The following TNS1 variants were observed in gnomAD, a reference collection of about 807,000 sequenced individuals.
The protein encoded by TNS1 is tensin-1.
TNS1 carries 62 observed loss-of-function variants against 168.6 expected under a neutral mutation model. The observed-to-expected ratio is 0.37, with a 90% confidence interval of 0.30 to 0.45. TNS1 has a LOEUF of 0.45. TNS1 is among the 20% of genes least tolerant of loss of function. The probability of loss-of-function intolerance (pLI) is 1.00; values close to 1 mark genes in which losing one functional copy is unlikely to be tolerated. For missense variants in TNS1, 2,240 were observed against 2,339.4 expected, an observed-to-expected ratio of 0.96 and a Z score of 0.88; for synonymous variants, 934 against 933.2, an observed-to-expected ratio of 1.00 and a Z score of -0.02.
At chr2:217,817,655 C>G in intron 24 of TNS1, 35 bp downstream of exon 24, 1 of 1,503,404 alleles carries the variant, frequency 6.7e-7, no homozygotes, top group Non-Finnish European at 9.1e-7. Flanking sequence ...ACTTCATCAG[C>G]AGGAGAGGTG....
upstream of TNS1, among the ~76,000 whole-genome samples, chr2:218,012,549 G>C (rs1353861003): frequency 6.6e-6 from 1 of 152,194 alleles, no homozygotes; most frequent in Non-Finnish European, 1.5e-5. Flanking sequence ...TCCAAAGAGA[G>C]AGGAGAGAGT....
At chr2:217,835,618 T>C (rs1945058526) in intron 20 of TNS1, among the ~76,000 whole-genome samples, 1 of 152,148 alleles carries the variant, frequency 6.6e-6, no homozygotes, top group Admixed American at 6.5e-5. Context: ...GTCTTAGAAA[T>C]GCAAATCTTT....
At chr2:217,894,617 A>C (rs1195119375) in intron 9 of TNS1, among the ~76,000 whole-genome samples, 1 of 152,210 alleles carries the variant, frequency 6.6e-6, no homozygotes, top group Non-Finnish European at 1.5e-5. Context: ...AGATCACGCC[A>C]CTGCACTCCA....
intron 3 of TNS1, among the ~76,000 whole-genome samples, chr2:217,967,326 TA>T (rs576613894): frequency 1.3e-5 from 2 of 151,320 alleles, no homozygotes; most frequent in South Asian, 4.2e-4. Flanking sequence ...GTCTCAAAAA[TA>T]AATAAATAAA....
chr2:217,869,608 G>T (rs1949593560), intron 18 of TNS1, among the ~76,000 whole-genome samples: 1 of 152,202 alleles, frequency 6.6e-6, no homozygotes. Flanking sequence ...ATGGGGAGGA[G>T]GTGAGGAAAG....
At chr2:217,896,386 T>C (rs545465999) in intron 8 of TNS1, among the ~76,000 whole-genome samples, 3 of 152,368 alleles carry the variant, frequency 2.0e-5, no homozygotes, top group Admixed American at 2.0e-4. Context: ...GACATCAACC[T>C]GGATCTAGGG....
chr2:217,963,281 G>A (rs1006165591), intron 3 of TNS1, among the ~76,000 whole-genome samples: 1 of 152,208 alleles, frequency 6.6e-6, no homozygotes. Flanking sequence ...AACTGGCCCA[G>A]GGATAATTGG....
At chr2:217,805,546 C>CCACCACACA (rs1938617099) in intron 32 of TNS1, among the ~76,000 whole-genome samples, 3 of 1,808 alleles carry the variant, frequency 1.7e-3, no homozygotes, top group African/African-American at 2.9e-3. Flanking sequence ...ACACACACCA[C>CCACCACACA]CACACACCAC....
At chr2:217,828,867 C>G (rs191858728) in intron 22 of TNS1, among the ~76,000 whole-genome samples, 6 of 152,330 alleles carry the variant, frequency 3.9e-5, no homozygotes, top group African/African-American at 1.4e-4. Context: ...TTAGTACTTT[C>G]TGTGTTGATA....
chr2:217,805,516 CCACACA>C (rs1938542060), intron 32 of TNS1, among the ~76,000 whole-genome samples: 1 of 18,266 alleles, frequency 5.5e-5, no homozygotes, highest in Non-Finnish European at 1.4e-4. Context: ...ACCACACACA[CCACACA>C]CACCACACAC....
chr2:217,972,521 C>T (rs1192265511), intron 3 of TNS1, among the ~76,000 whole-genome samples: 3 of 152,200 alleles, frequency 2.0e-5, no homozygotes, highest in African/African-American at 7.2e-5. Context: ...GATTTAAGCC[C>T]TTTTGGTACA....
At chr2:217,845,842 G>A (rs183555071) in intron 19 of TNS1, among the ~76,000 whole-genome samples, 1 of 152,192 alleles carries the variant, frequency 6.6e-6, no homozygotes, top group African/African-American at 2.4e-5. Context: ...GGTTCTTGTA[G>A]GGGAGGAAAT....
rs569448607 is a variant in TNS1, at chr2:217,929,899, G to A, written c.187-9663C>T. Among the ~76,000 whole-genome samples, 10 of 152,158 alleles carry A rather than the reference G, an allele frequency of 6.6e-5. No individual in the cohort carries two copies. The East Asian group carries it at 1.4e-3, about 21-fold the overall frequency. ...TACAACACTGGTCTCCCTGCCCTCC[G>A]CCTTGTCCCCTCCACCCCATTCTCC... On this transcript the variant is annotated intron_variant, in intron 3 of 32. Coordinates refer to ENST00000682258, the MANE Select transcript of TNS1 (RefSeq NM_001387777.1).
chr2:217,886,650 T>C lies in TNS1; in HGVS notation c.867-4A>G. ...GCCACTGAAGTAATGCACGTACCTG[T>C]AGTGGTGGGAGAAGCAGCTTCAGGG... is the stretch of plus-strand genomic sequence containing the variant. On this transcript the variant is annotated splice_polypyrimidine_tract_variant and splice_region_variant and intron_variant, in intron 12 of 32. Transcript: ENST00000682258. 1.9e-6 allele frequency: 3 copies of C among 1,573,390 alleles called. No homozygotes were observed. The highest frequency in any genetic ancestry group is 2.3e-5 in the South Asian group (2 of 85,754).
chr2:217,962,012 G>C (rs945352580), intron 3 of TNS1, among the ~76,000 whole-genome samples: 16 of 152,206 alleles, frequency 1.1e-4, no homozygotes, highest in African/African-American at 3.9e-4. Flanking sequence ...AACATCAACT[G>C]CTACCTGAGT....
chr2:217,875,000 T>G (rs983407019), intron 18 of TNS1, among the ~76,000 whole-genome samples: 1 of 152,188 alleles, frequency 6.6e-6, no homozygotes, highest in African/African-American at 2.4e-5. Context: ...ATGCACAACT[T>G]CCTTGCCCCC....
At position 217,836,217 on chromosome 2, in the gene TNS1, A is replaced by T. The variant is rs765509737; in HGVS notation, c.3008-6T>A. ...CTTCTCCCGAGCCTGTACCCCTGGG[A>T]GGAAAGCAGGGTGTAGAGGACAATG... On this transcript the variant is annotated splice_polypyrimidine_tract_variant and splice_region_variant and intron_variant, in intron 19 of 32. Transcript: ENST00000682258. 1 of 1,606,296 alleles carries T rather than the reference A, an allele frequency of 6.2e-7. No individual in the cohort carries two copies. The highest frequency in any genetic ancestry group is 2.2e-5 in the East Asian group (1 of 44,680).
chr2:217,909,240 C>T (rs1026330244), intron 4 of TNS1, among the ~76,000 whole-genome samples: 1 of 152,162 alleles, frequency 6.6e-6, no homozygotes, highest in East Asian at 1.9e-4. Flanking sequence ...CTCAGAGCTG[C>T]TCTGGTCTCC....
intron 19 of TNS1, among the ~76,000 whole-genome samples, chr2:217,845,889 T>C (rs1326235579): frequency 2.6e-5 from 4 of 152,168 alleles, no homozygotes; most frequent in African/African-American, 9.6e-5. Flanking sequence ...TCCTGGATCC[T>C]GCCCCTCATT....
Sources: allele counts gnomAD v4.1 joint callset (sites outside exome capture counted in the v4.1 genomes callset), GRCh38; gene constraint gnomAD v4.1.1; transcripts MANE v1.5; gene names NCBI Gene and HGNC (gene_info 2026-07-23, HGNC 2026-07-21).